TPX2: variants seen among roughly 807,000 people sequenced by gnomAD.
TPX2 encodes TPX2 microtubule nucleation factor, also known as targeting protein for Xklp2.
A neutral mutation model predicts 93.6 loss-of-function variants in TPX2; 21 were observed. The ratio of observed to expected loss-of-function variants is 0.22; its 90% confidence interval spans 0.16 to 0.32. TPX2 has a LOEUF of 0.32. Among genes scored for constraint, TPX2 ranks in the 10% least tolerant of loss-of-function variants. TPX2 has a pLI of 1.00. For missense variants in TPX2, 776 were observed against 871.1 expected, an observed-to-expected ratio of 0.89 and a Z score of 1.37; for synonymous variants, 281 against 298.3, an observed-to-expected ratio of 0.94 and a Z score of 0.60.
At chr20:31,755,715 C>T (rs147770270) in intron 2 of TPX2, among the ~76,000 whole-genome samples, 2,033 of 151,320 alleles carry the variant, frequency 0.013, 36 homozygotes, top group Non-Finnish European at 0.016. Context: ...GAGCTGGGAT[C>T]ATGCCACTGC....
rs761024564 is a variant in TPX2 at position 31,778,843 on chromosome 20, A to G, written c.913A>G (p.Lys305Glu). The G allele has an allele frequency of 1.2e-5, 19 of 1,602,416 alleles. No individual in the cohort carries two copies. Among genetic ancestry groups the G allele is most frequent in the African/African-American group, 1.3e-5 (1 of 74,448 alleles). ...AGTGACTAAGGGATGTACCATTGTT[A>G]AGCCTTTCAACCTGTCCCAAGGAAA... ...ARVTKGCTIV[K>E]PFNLSQGKKR... is the part of the protein sequence containing the mutation. Residue 305 changes from lysine to glutamate, a missense_variant, in exon 10 of 18, where the codon AAG becomes GAG. This residue lies in a region of TPX2 where 461 missense variants were observed against 551.2 expected (regional missense o/e 0.84). Coordinates refer to ENST00000300403, the MANE Select transcript of TPX2 (RefSeq NM_012112.5).
At chr20:31,795,418 G>T (rs1247341956) in intron 15 of TPX2, among the ~76,000 whole-genome samples, 1 of 152,262 alleles carries the variant, frequency 6.6e-6, no homozygotes, top group Non-Finnish European at 1.5e-5. Context: ...ACAAGCATGA[G>T]CTGCTGTGCC....
At chr20:31,743,103 A>G (rs186068928) in intron 2 of TPX2, among the ~76,000 whole-genome samples, 27 of 152,290 alleles carry the variant, frequency 1.8e-4, no homozygotes, top group African/African-American at 6.5e-4. Flanking sequence ...AATCTCAGCT[A>G]CTTGGGAGAC....
At chr20:31,794,230 A>G (rs190094449) in intron 14 of TPX2, among the ~76,000 whole-genome samples, 172 bp from the exon 15 acceptor site, 1 of 152,362 alleles carries the variant, frequency 6.6e-6, no homozygotes, top group East Asian at 1.9e-4. Flanking sequence ...ACTGCTGGTT[A>G]TAGGCAATAT....
chr20:31,751,354 C>T (rs2061818412), intron 2 of TPX2, among the ~76,000 whole-genome samples: 1 of 151,946 alleles, frequency 6.6e-6, no homozygotes, highest in African/African-American at 2.4e-5. Context: ...TCCCAGTGAC[C>T]TGAGTTAGGC....
chr20:31,761,669 G>T (rs547622165), intron 4 of TPX2, among the ~76,000 whole-genome samples: 1 of 152,228 alleles, frequency 6.6e-6, no homozygotes, highest in South Asian at 2.1e-4. Context: ...TACTTCAGTT[G>T]ATTCCATATC....
At chr20:31,784,032 C>A in intron 12 of TPX2, 111 bp downstream of exon 12, 1 of 1,158,058 alleles carries the variant, frequency 8.6e-7, no homozygotes, top group Non-Finnish European at 1.2e-6. Flanking sequence ...ATATTAGGAA[C>A]TGCAGGTGAT....
Position 31,739,347 on chromosome 20 carries a change from G to A in TPX2, c.-452G>A, listed in dbSNP as rs1046541629. On this transcript the variant is annotated 5_prime_UTR_variant, in exon 1 of 18. Transcript: ENST00000300403. ...CGTTGTCAGATCTGAGGCGAGGCTA[G>A]GTGAGCCGTGGGAAGAAAAGAGGGA... The A allele has an allele frequency of 3.9e-5, 6 of 152,280 alleles. No homozygotes were observed. The highest frequency in any genetic ancestry group is 1.4e-4 in the African/African-American group (6 of 41,464). The allele number at this position is 152,280 out of a possible 1,614,324, so 9.4% of individuals were successfully genotyped here.
intron 2 of TPX2, among the ~76,000 whole-genome samples, chr20:31,755,217 G>A (rs1255382775): frequency 1.3e-5 from 2 of 151,758 alleles, no homozygotes; most frequent in Non-Finnish European, 2.9e-5. Flanking sequence ...CAAAGTGCTG[G>A]GATTACAGGC....
intron 12 of TPX2, among the ~76,000 whole-genome samples, chr20:31,790,209 A>G (rs1033506273): frequency 6.6e-6 from 1 of 152,232 alleles, no homozygotes; most frequent in African/African-American, 2.4e-5. Flanking sequence ...AAGATCTGCT[A>G]TATTGGATTT....
intron 5 of TPX2, among the ~76,000 whole-genome samples, chr20:31,767,623 C>T (rs556483534): frequency 6.6e-6 from 1 of 152,028 alleles, no homozygotes; most frequent in Admixed American, 6.5e-5. Context: ...ATGATCATGG[C>T]TCACTGTAGC....
chr20:31,770,664 G>A (rs970809855), intron 6 of TPX2, among the ~76,000 whole-genome samples, 193 bp downstream of exon 6: 1 of 152,104 alleles, frequency 6.6e-6, no homozygotes, highest in African/African-American at 2.4e-5. Context: ...GAATTGTTAC[G>A]TGTGTCCTGG....
At chr20:31,780,114 C>T (rs1378493297) in intron 10 of TPX2, among the ~76,000 whole-genome samples, 3 of 152,116 alleles carry the variant, frequency 2.0e-5, no homozygotes, top group Middle Eastern at 3.4e-3. Context: ...TGCAGTGGCG[C>T]GATCTCGACT....
At chr20:31,750,463 T>C (rs1191213931) in intron 2 of TPX2, among the ~76,000 whole-genome samples, 1 of 142,080 alleles carries the variant, frequency 7.0e-6, no homozygotes, top group Non-Finnish European at 1.5e-5. Context: ...TATTTATTTA[T>C]TTATTTATTT....
At chr20:31,742,677 A>G (rs1256745361) in intron 2 of TPX2, 30 bp downstream of exon 2, 2 of 152,248 alleles carry the variant, frequency 1.3e-5, no homozygotes, top group Non-Finnish European at 2.9e-5. Context: ...AATAAGGAAC[A>G]TTAATATATC....
At chr20:31,741,715 G>A (rs1262187204) in intron 1 of TPX2, among the ~76,000 whole-genome samples, 4 of 152,096 alleles carry the variant, frequency 2.6e-5, no homozygotes, top group Non-Finnish European at 4.4e-5. Context: ...TCCTGACCTC[G>A]TAATCTGCCT....
intron 1 of TPX2, among the ~76,000 whole-genome samples, chr20:31,742,069 G>A (rs2061756554): frequency 6.6e-6 from 1 of 152,022 alleles, no homozygotes; most frequent in South Asian, 2.1e-4. Flanking sequence ...GGTAAAAGGG[G>A]AATAAAGAAC....
intron 5 of TPX2, among the ~76,000 whole-genome samples, chr20:31,768,824 G>A (rs1056179258): frequency 6.6e-6 from 1 of 151,992 alleles, no homozygotes. Flanking sequence ...CCAAATGGCC[G>A]ATACACATGT....
chr20:31,747,719 T>C (rs1442188721), intron 2 of TPX2, among the ~76,000 whole-genome samples: 2 of 151,974 alleles, frequency 1.3e-5, no homozygotes, highest in African/African-American at 4.8e-5. Flanking sequence ...AAGCTGATTC[T>C]CTTGCTTGGC....
Sources: gnomAD v4.1 joint callset for allele counts (sites outside exome capture counted in the v4.1 genomes callset) on GRCh38, gnomAD v4.1.1 for gene constraint, gnomAD v4.1.1 regional missense constraint, MANE v1.5 for transcripts, NCBI Gene and HGNC (gene_info 2026-07-23, HGNC 2026-07-21) for gene names.